The following ERC2 variants were observed in gnomAD, a reference collection of about 807,000 sequenced individuals.
ERC2 encodes ERC protein 2.
In ERC2, 42 loss-of-function variants were observed where a neutral mutation model predicts 114.8. That is an observed-to-expected ratio of 0.37 (90% CI 0.29 to 0.47). The LOEUF (loss-of-function observed/expected upper bound fraction) is 0.47, where lower values mean the gene tolerates loss of function less well. Ranked by LOEUF, ERC2 falls within the 20% of genes least tolerant of loss-of-function variation. The pLI, the probability that ERC2 is intolerant of heterozygous loss-of-function variation, is 0.99. For synonymous variants in ERC2, 454 were observed against 425.5 expected, an observed-to-expected ratio of 1.07 and a Z score of -0.82; for missense variants, 939 against 1,150.7, an observed-to-expected ratio of 0.82 and a Z score of 2.66.
chr3:55,654,724 G>A lies in ERC2; in HGVS notation c.*39+29070C>T, dbSNP rs141310081. On this transcript the variant is annotated intron_variant, in intron 17 of 17. Transcript: ENST00000288221. ...CCTGCTTTGGCACGAGAAGGAGACCGGAGGCATGTGTTGGAAGCCTCCTCT... is the reference window on the plus strand; with the variant it reads ...CCTGCTTTGGCACGAGAAGGAGACCAGAGGCATGTGTTGGAAGCCTCCTCT... Among the ~76,000 whole-genome samples, 3 of 152,334 alleles carry A rather than the reference G, an allele frequency of 2.0e-5. No homozygotes were observed. The East Asian group carries it at 5.8e-4, about 29-fold the overall frequency.
At chr3:55,615,271 A>G (rs2059076790) in intron 17 of ERC2, among the ~76,000 whole-genome samples, 1 of 152,230 alleles carries the variant, frequency 6.6e-6, no homozygotes, top group Admixed American at 6.5e-5. Flanking sequence ...TGTGTAAATC[A>G]CAGACAAAGT....
At chr3:56,159,960 C>T (rs949113234) in intron 4 of ERC2, among the ~76,000 whole-genome samples, 5 of 152,080 alleles carry the variant, frequency 3.3e-5, no homozygotes, top group African/African-American at 9.7e-5. Context: ...AATACTGTTG[C>T]GATGAACATT....
intron 2 of ERC2, among the ~76,000 whole-genome samples, chr3:56,364,547 T>C (rs977916811): frequency 2.6e-5 from 4 of 152,208 alleles, no homozygotes; most frequent in Non-Finnish European, 5.9e-5. Flanking sequence ...CATACAATAC[T>C]AATGTAGGAG....
chr3:56,287,539 A>G (rs1294413876), intron 3 of ERC2, among the ~76,000 whole-genome samples: 2 of 152,234 alleles, frequency 1.3e-5, no homozygotes, highest in East Asian at 3.8e-4. Context: ...TCACGGATTT[A>G]TAGTCCCCAA....
chr3:56,250,756 C>T (rs6794479), intron 3 of ERC2, among the ~76,000 whole-genome samples: 50,786 of 152,016 alleles, frequency 0.33, 9,603 homozygotes, highest in Middle Eastern at 0.44. Flanking sequence ...ATGACTATAC[C>T]TAAGTAAAGT....
At chr3:55,524,983 G>T (rs748415700) in intron 17 of ERC2, among the ~76,000 whole-genome samples, 2 of 152,152 alleles carry the variant, frequency 1.3e-5, no homozygotes, top group African/African-American at 2.4e-5. Context: ...GTTGGTCATC[G>T]TTAGTGCTGA....
intron 2 of ERC2, among the ~76,000 whole-genome samples, chr3:56,398,189 C>T (rs549765794): frequency 6.6e-6 from 1 of 152,166 alleles, no homozygotes; most frequent in Non-Finnish European, 1.5e-5. Flanking sequence ...GAAATTTAAT[C>T]AAAGCAACAA....
At chr3:55,888,298 G>C (rs965495390) in intron 14 of ERC2, 91 bp downstream of exon 14, 2 of 1,401,670 alleles carry the variant, frequency 1.4e-6, no homozygotes, top group Non-Finnish European at 1.9e-6. Flanking sequence ...CTTTTTCTGA[G>C]CTCTTTCTTC....
rs764697146 is a variant in ERC2, at chr3:56,296,348, G to A, written c.745C>T (p.Arg249Ter). The change falls in exon 3 of 18, where the codon CGA becomes TGA. Residue 249 changes from arginine to a stop codon, truncating the protein, a stop_gained. Transcript: ENST00000288221. LOFTEE classifies it high-confidence loss of function. The part of the protein sequence containing the change: ...NHLLQQESGN[R>*]GAEHFTIELT... ...TCGATGGTGAAGTGCTCCGCTCCTC[G>A]GTTGCCACTCTCTTGCTGGAGGAGG... 1.2e-6 allele frequency: 2 copies of A among 1,613,886 alleles called. No individual in the cohort carries two copies. Among genetic ancestry groups the A allele is most frequent in the Non-Finnish European group, 1.7e-6 (2 of 1,179,902 alleles).
chr3:55,882,026 T>C (rs1559809741), intron 14 of ERC2, among the ~76,000 whole-genome samples: 2 of 152,196 alleles, frequency 1.3e-5, no homozygotes, highest in Non-Finnish European at 2.9e-5. Context: ...TTTGAATATT[T>C]GTCCCCTCCA....
At chr3:55,726,595 C>G (rs1330932917) in intron 15 of ERC2, among the ~76,000 whole-genome samples, 1 of 152,188 alleles carries the variant, frequency 6.6e-6, no homozygotes, top group East Asian at 1.9e-4. Context: ...CATTTTTTAC[C>G]ACATCTGCGA....
At chr3:55,602,671 G>A (rs922285203) in intron 17 of ERC2, among the ~76,000 whole-genome samples, 1 of 152,008 alleles carries the variant, frequency 6.6e-6, no homozygotes, top group South Asian at 2.1e-4. Flanking sequence ...CCAGCTCCCC[G>A]GGGACATTTT....
chr3:55,760,412 T>C (rs545667262), intron 14 of ERC2, among the ~76,000 whole-genome samples: 1 of 152,338 alleles, frequency 6.6e-6, no homozygotes, highest in South Asian at 2.1e-4. Context: ...CTCTTTGATA[T>C]TTGCTGCATA....
intron 3 of ERC2, among the ~76,000 whole-genome samples, chr3:56,195,521 TC>T (rs2150080247): frequency 1.8e-5 from 1 of 56,550 alleles, no homozygotes; most frequent in East Asian, 9.6e-4. Context: ...GTGTGTGTGT[TC>T]TCTCCAATTA....
rs58749389 is a variant in ERC2, at chr3:55,539,415, C to CTTTTTTTTTTTTTTTTTTTTTTTT, written c.*40-28163_*40-28140dup. ...TCTCTCTCTCTCTCTTTTTTTCTTT[C>CTTTTTTTTTTTTTTTTTTTTTTTT]TTTTTTTTTTTTTTTTTTTTTTTTT... On this transcript the variant is annotated intron_variant, in intron 17 of 17. Transcript: ENST00000288221. 6.5e-3 allele frequency among the ~76,000 whole-genome samples: 255 copies of CTTTTTTTTTTTTTTTTTTTTTTTT among 39,112 alleles called. 54 individuals are homozygous for CTTTTTTTTTTTTTTTTTTTTTTTT. The highest frequency in any genetic ancestry group is 0.022 in the East Asian group (17 of 762). 25.7% of individuals were successfully genotyped at this position (39,112 alleles called of 152,430 possible). A position where few individuals can be genotyped will look rare whatever the true frequency, so the allele number is the denominator to read the frequency against.
intron 7 of ERC2, among the ~76,000 whole-genome samples, chr3:56,068,765 A>C (rs143806697): frequency 6.6e-6 from 1 of 152,238 alleles, no homozygotes; most frequent in East Asian, 1.9e-4. Context: ...CATTGGTTTC[A>C]AAGAACTTGG....
intron 14 of ERC2, among the ~76,000 whole-genome samples, chr3:55,784,337 T>C (rs536205412): frequency 1.3e-5 from 2 of 152,324 alleles, no homozygotes; most frequent in African/African-American, 4.8e-5. Context: ...TGCCAGAAGT[T>C]CATCATTTTC....
intron 3 of ERC2, among the ~76,000 whole-genome samples, chr3:56,264,825 CA>C (rs34795999): frequency 3.6e-4 from 51 of 140,192 alleles, no homozygotes; most frequent in South Asian, 1.4e-3. Context: ...ATGACCTATC[CA>C]AAAAAAAAAA....
intron 13 of ERC2, among the ~76,000 whole-genome samples, chr3:55,929,542 G>GA (rs1336811177): frequency 6.6e-6 from 1 of 152,164 alleles, no homozygotes. Context: ...AATAAGGAAA[G>GA]AAAAAAGTGG....
Sources: allele counts gnomAD v4.1 joint callset (sites outside exome capture counted in the v4.1 genomes callset), GRCh38; gene constraint gnomAD v4.1.1; transcripts MANE v1.5; gene names NCBI Gene and HGNC (gene_info 2026-07-23, HGNC 2026-07-21).